THSD4: variants seen among roughly 807,000 people sequenced by gnomAD.
THSD4 encodes thrombospondin type-1 domain-containing protein 4.
Under a neutral mutation model 119.0 loss-of-function variants are expected in THSD4, and 69 were observed. That is an observed-to-expected ratio of 0.58 (90% CI 0.48 to 0.71). The LOEUF (loss-of-function observed/expected upper bound fraction) is 0.71, where lower values mean the gene tolerates loss of function less well. THSD4 is among the 30% of genes least tolerant of loss of function. THSD4 has a pLI of 0.00. For synonymous variants in THSD4, 524 were observed against 540.4 expected (o/e 0.97, Z 0.42); for missense variants, 1,393 against 1,391.1 (o/e 1.00, Z -0.02).
At chr15:71,691,488 A>T (rs964484912) in intron 8 of THSD4, among the ~76,000 whole-genome samples, 3 of 152,182 alleles carry the variant, frequency 2.0e-5, no homozygotes, top group African/African-American at 7.2e-5. Flanking sequence ...AGGAGCACAG[A>T]CGTTGGATCG....
At chr15:71,724,780 A>C (rs1595891990) in intron 8 of THSD4, among the ~76,000 whole-genome samples, 1 of 152,112 alleles carries the variant, frequency 6.6e-6, no homozygotes. Context: ...AGAGAGGCGG[A>C]GGAGGTTAAA....
chr15:71,634,800 C>T (rs1420548016), intron 7 of THSD4, among the ~76,000 whole-genome samples: 1 of 152,176 alleles, frequency 6.6e-6, no homozygotes. Flanking sequence ...TTACGCATAC[C>T]TATGTGGAGT....
chr15:71,679,834 G>T (rs2051737215), intron 8 of THSD4, among the ~76,000 whole-genome samples: 1 of 152,304 alleles, frequency 6.6e-6, no homozygotes, highest in African/African-American at 2.4e-5. Context: ...CTGTAAAAAG[G>T]CCTGGCCTAT....
intron 6 of THSD4, among the ~76,000 whole-genome samples, chr15:71,332,710 T>C (rs2045438079): frequency 6.6e-6 from 1 of 152,048 alleles, no homozygotes; most frequent in African/African-American, 2.4e-5. Context: ...CTCTCTCTTT[T>C]GCCATACCTA....
At chr15:71,158,341 C>T (rs988305650) in intron 3 of THSD4, among the ~76,000 whole-genome samples, 5 of 151,726 alleles carry the variant, frequency 3.3e-5, no homozygotes, top group South Asian at 4.2e-4. Flanking sequence ...TTAGTAGAGA[C>T]GGGGTTTCTC....
intron 8 of THSD4, among the ~76,000 whole-genome samples, chr15:71,696,314 G>A (rs1232471043): frequency 6.6e-6 from 1 of 152,178 alleles, no homozygotes; most frequent in Non-Finnish European, 1.5e-5. Flanking sequence ...GACCAAACAG[G>A]AGGAGGAACC....
At chr15:71,688,891 T>TC (rs2051981270) in intron 8 of THSD4, among the ~76,000 whole-genome samples, 1 of 152,154 alleles carries the variant, frequency 6.6e-6, no homozygotes, top group Admixed American at 6.5e-5. Flanking sequence ...ACATTTTCAT[T>TC]CCCCACTATG....
chr15:71,605,287 C>T (rs777160478), intron 7 of THSD4, among the ~76,000 whole-genome samples: 3 of 152,166 alleles, frequency 2.0e-5, no homozygotes, highest in Non-Finnish European at 2.9e-5. Context: ...TACCTACTGT[C>T]CTAATATTAT....
chr15:71,132,424 C>G (rs2040512011), intron 1 of THSD4, among the ~76,000 whole-genome samples: 1 of 152,050 alleles, frequency 6.6e-6, no homozygotes, highest in Admixed American at 6.6e-5. Flanking sequence ...GAATACAAAG[C>G]TACATGTGTG....
At chr15:71,770,275 T>C (rs2053796845) in intron 16 of THSD4, among the ~76,000 whole-genome samples, 1 of 106,598 alleles carries the variant, frequency 9.4e-6, no homozygotes, top group East Asian at 2.7e-4. Flanking sequence ...AAGGACTTTC[T>C]CAAAGAAAAT....
intron 7 of THSD4, among the ~76,000 whole-genome samples, chr15:71,552,554 A>G (rs2048948656): frequency 1.3e-5 from 2 of 152,202 alleles, no homozygotes; most frequent in Admixed American, 1.3e-4. Flanking sequence ...CCAGTCAGCT[A>G]TGTGGAACTC....
chr15:71,625,689 C>T (rs1390726300), intron 7 of THSD4, among the ~76,000 whole-genome samples: 1 of 152,180 alleles, frequency 6.6e-6, no homozygotes, highest in East Asian at 1.9e-4. Flanking sequence ...CTCTTTTATT[C>T]ATTCATGCAA....
At chr15:71,600,674 C>CT (rs771071144) in intron 7 of THSD4, among the ~76,000 whole-genome samples, 1 of 152,140 alleles carries the variant, frequency 6.6e-6, no homozygotes, top group Non-Finnish European at 1.5e-5. Flanking sequence ...ATTCTAGACA[C>CT]TACATTCTGC....
At chr15:71,199,628 GTGTGTGTGGTGTGTGTGTGGTGT>G (rs2043760206) in intron 3 of THSD4, among the ~76,000 whole-genome samples, 2 of 71,858 alleles carry the variant, frequency 2.8e-5, no homozygotes, top group East Asian at 5.2e-4. Flanking sequence ...TGGGTGTGTG[GTGTGTGTGGTGTGTGTGTGGTGT>G]GTGTGTGTGA....
At chr15:71,140,552 A>G (rs1403160151) in intron 1 of THSD4, among the ~76,000 whole-genome samples, 1 of 152,128 alleles carries the variant, frequency 6.6e-6, no homozygotes, top group East Asian at 1.9e-4. Flanking sequence ...GGAAGAGGAC[A>G]AGTATCCAAA....
chr15:71,493,274 C>T (rs575202201), intron 7 of THSD4, among the ~76,000 whole-genome samples: 2 of 152,318 alleles, frequency 1.3e-5, no homozygotes, highest in East Asian at 1.9e-4. Context: ...AGACCACCTG[C>T]GGCGTCTTCT....
At chr15:71,234,879 C>T (rs1411936437) in intron 4 of THSD4, among the ~76,000 whole-genome samples, 2 of 152,314 alleles carry the variant, frequency 1.3e-5, no homozygotes, top group South Asian at 4.1e-4. Context: ...AGTTCGCCGT[C>T]CTGCTGTGGT....
intron 7 of THSD4, among the ~76,000 whole-genome samples, chr15:71,651,114 C>G (rs761472867): frequency 2.6e-5 from 4 of 152,118 alleles, no homozygotes; most frequent in Non-Finnish European, 4.4e-5. Flanking sequence ...AAAGGCCTGC[C>G]CCCCAGTGGA....
chr15:71,579,857 T>C (rs2049524958), intron 7 of THSD4, among the ~76,000 whole-genome samples: 1 of 152,138 alleles, frequency 6.6e-6, no homozygotes, highest in South Asian at 2.1e-4. Context: ...TATCACTATA[T>C]AACAAATTAC....
Sources: gnomAD v4.1 joint callset for allele counts (sites outside exome capture counted in the v4.1 genomes callset) on GRCh38, gnomAD v4.1.1 for gene constraint, MANE v1.5 for transcripts, NCBI Gene and HGNC (gene_info 2026-07-23, HGNC 2026-07-21) for gene names.